The following CLDN14 variants were observed in gnomAD, a reference collection of about 807,000 sequenced individuals.
CLDN14 encodes the protein claudin 14.
A neutral mutation model predicts 2.1 loss-of-function variants in CLDN14; 2 were observed. That is an observed-to-expected ratio of 0.96 (90% confidence interval 0.39 to 3.01). The LOEUF (loss-of-function observed/expected upper bound fraction) is 3.01, where lower values mean the gene tolerates loss of function less well. Ranked by LOEUF, CLDN14 falls within the 30% of genes most tolerant of loss-of-function variation. CLDN14 has a pLI of 0.09. For synonymous variants in CLDN14, 136 were observed against 154.4 expected, an observed-to-expected ratio of 0.88 and a Z score of 0.88; for missense variants, 298 against 328.0, an observed-to-expected ratio of 0.91 and a Z score of 0.71.
chr21:36,508,554 T>C (rs1347419735), intron 2 of CLDN14, among the ~76,000 whole-genome samples: 1 of 152,116 alleles, frequency 6.6e-6, no homozygotes, highest in African/African-American at 2.4e-5. Flanking sequence ...ACAGATGCGT[T>C]GGGGGGCCCC....
At position 36,492,404 on chromosome 21, in the gene CLDN14, G is replaced by T. The variant is rs1224931800; in HGVS notation, c.-82+17959C>A. On this transcript the variant is annotated intron_variant, in intron 2 of 2. Transcript: ENST00000342108. ...AGCCGAGATTGCGCCACTGCAGTCC[G>T]CAGTCCGGCCTGGGCGACAGAGCGA... Among the ~76,000 whole-genome samples the T allele has an allele frequency of 1.9e-5, 2 of 104,754 alleles. 1 individual carries two copies. Among genetic ancestry groups the T allele is most frequent in the East Asian group, 9.9e-4 (2 of 2,018 alleles). The allele number at this position is 104,754 out of a possible 152,430, so 68.7% of individuals were successfully genotyped here.
At chr21:36,462,727 C>G (rs528245620) in intron 1 of CLDN14, among the ~76,000 whole-genome samples, 1 of 151,852 alleles carries the variant, frequency 6.6e-6, no homozygotes, top group South Asian at 2.1e-4. Flanking sequence ...TTCAGGAGTT[C>G]AAGACCAGCC....
chr21:36,555,846 T>A (rs146711112), intron 1 of CLDN14, among the ~76,000 whole-genome samples: 4,684 of 65,478 alleles, frequency 0.072, 95 homozygotes, highest in Middle Eastern at 0.19. Flanking sequence ...TGTGTGTGTG[T>A]GTGTGAGAGA....
rs390432 is a variant in CLDN14 at position 36,550,219 on chromosome 21, C to A, written c.-220+26192G>T. 2.0e-5 allele frequency among the ~76,000 whole-genome samples: 3 copies of A among 151,986 alleles called. No homozygotes were observed. In the South Asian group the frequency reaches 6.2e-4, roughly 32 times the overall value. The stretch of plus-strand genomic sequence containing the variant: ...AAATTTAAAAACACCCAGTGCATTT[C>A]CAAAAGAAAGTTGCTTTAAGTTCGC... On this transcript the variant is annotated intron_variant, in intron 1 of 2. Transcript: ENST00000342108.
At chr21:36,554,330 G>A (rs916004490) in intron 1 of CLDN14, among the ~76,000 whole-genome samples, 1 of 152,134 alleles carries the variant, frequency 6.6e-6, no homozygotes, top group African/African-American at 2.4e-5. Context: ...CCTGCTGCAG[G>A]CCTGGTCCCT....
intron 1 of CLDN14, among the ~76,000 whole-genome samples, chr21:36,555,523 A>G (rs1367117281): frequency 6.6e-6 from 1 of 152,218 alleles, no homozygotes; most frequent in Non-Finnish European, 1.5e-5. Context: ...GTTTTGTAAA[A>G]CCAAAGAGTG....
intron 1 of CLDN14, among the ~76,000 whole-genome samples, chr21:36,534,652 C>T (rs939827725): frequency 1.4e-4 from 21 of 152,256 alleles, no homozygotes; most frequent in Middle Eastern, 3.4e-3. Flanking sequence ...GCACACCTGG[C>T]CTTATGTGCC....
intron 1 of CLDN14, among the ~76,000 whole-genome samples, chr21:36,535,110 G>C (rs1246328395): frequency 1.3e-5 from 2 of 152,230 alleles, no homozygotes; most frequent in Admixed American, 6.5e-5. Context: ...TGCTTTGTGG[G>C]CTGGGTGTGG....
At chr21:36,558,598 A>T (rs889893446) in intron 1 of CLDN14, among the ~76,000 whole-genome samples, 3 of 152,116 alleles carry the variant, frequency 2.0e-5, no homozygotes, top group African/African-American at 2.4e-5. Flanking sequence ...AGAGCAGCCT[A>T]TTATTCCTGT....
chr21:36,534,256 C>T (rs988983539), intron 1 of CLDN14, among the ~76,000 whole-genome samples: 2 of 152,112 alleles, frequency 1.3e-5, no homozygotes, highest in Non-Finnish European at 2.9e-5. Flanking sequence ...AAAATTTTTT[C>T]ATGCTATTCA....
At chr21:36,536,527 C>A (rs1354317659) in intron 1 of CLDN14, among the ~76,000 whole-genome samples, 2 of 152,112 alleles carry the variant, frequency 1.3e-5, no homozygotes, top group South Asian at 4.1e-4. Context: ...GTCTAAAGCT[C>A]CATGGGACAA....
At chr21:36,547,138 A>T (rs2087531127) in intron 1 of CLDN14, among the ~76,000 whole-genome samples, 1 of 152,212 alleles carries the variant, frequency 6.6e-6, no homozygotes, top group Admixed American at 6.5e-5. Context: ...TTAAAGCACA[A>T]CTTGTGTTTT....
At chr21:36,537,566 T>C (rs2087434591) in intron 1 of CLDN14, among the ~76,000 whole-genome samples, 1 of 152,214 alleles carries the variant, frequency 6.6e-6, no homozygotes, top group African/African-American at 2.4e-5. Flanking sequence ...ATGTCCTTGG[T>C]AGACATCTAA....
intron 1 of CLDN14, among the ~76,000 whole-genome samples, chr21:36,543,231 T>C (rs868742707): frequency 2.0e-5 from 3 of 152,242 alleles, no homozygotes; most frequent in African/African-American, 7.2e-5. Context: ...CTCTCCTTTT[T>C]TCATTCATTT....
chr21:36,500,437 T>G (rs1300253125), intron 2 of CLDN14, among the ~76,000 whole-genome samples: 2 of 152,132 alleles, frequency 1.3e-5, no homozygotes, highest in Admixed American at 1.3e-4. Context: ...TTTTTAAAAT[T>G]TTATTTTAAA....
chr21:36,466,676 C>T (rs1327387616), intron 1 of CLDN14, among the ~76,000 whole-genome samples: 1 of 152,130 alleles, frequency 6.6e-6, no homozygotes, highest in African/African-American at 2.4e-5. Context: ...TGCCCTGGCC[C>T]CTCTCAAATC....
intron 1 of CLDN14, among the ~76,000 whole-genome samples, chr21:36,547,397 A>G (rs534666960): frequency 1.3e-5 from 2 of 152,290 alleles, no homozygotes; most frequent in African/African-American, 4.8e-5. Context: ...TTTTCAAAGG[A>G]TCTGAAAATA....
At chr21:36,489,113 C>CCAG (rs2086930951) in intron 2 of CLDN14, among the ~76,000 whole-genome samples, 10 of 12,544 alleles carry the variant, frequency 8.0e-4, no homozygotes, top group Admixed American at 3.4e-3. Context: ...GAGTCTGTCT[C>CCAG]AAAGAAAAAA....
rs544763463 is a variant in CLDN14, at chr21:36,476,871, T to G, written c.-82+2624A>C. Among the ~76,000 whole-genome samples the G allele has an allele frequency of 2.6e-5, 4 of 152,334 alleles. No individual in the cohort carries two copies. The South Asian group carries it at 8.3e-4, about 32-fold the overall frequency. On this transcript the variant is annotated intron_variant, in intron 1 of 1. Transcript: ENST00000399135. The stretch of plus-strand genomic sequence containing the variant: ...CCTGTGATAGTTTGATATAAAGACA[T>G]TTAGAATTAATTGGGTCAGGTATGA...
Sources: allele counts gnomAD v4.1 joint callset (sites outside exome capture counted in the v4.1 genomes callset), GRCh38; gene constraint gnomAD v4.1.1; transcripts MANE v1.5; gene names NCBI Gene and HGNC (gene_info 2026-07-23, HGNC 2026-07-21).